Variants in L3MBTL4 observed in about 807,000 individuals in gnomAD.
L3MBTL4 encodes the protein lethal(3)malignant brain tumor-like protein 4.
L3MBTL4 carries 70 observed loss-of-function variants against 84.5 expected under a neutral mutation model. The observed-to-expected ratio is 0.83, with a 90% confidence interval of 0.68 to 1.01. The LOEUF is 1.01. Ranked by LOEUF, L3MBTL4 falls within the 50% of genes least tolerant of loss-of-function variation. The probability of loss-of-function intolerance (pLI) is 0.00; values close to 1 mark genes in which losing one functional copy is unlikely to be tolerated. For synonymous variants in L3MBTL4, 274 were observed against 259.8 expected (o/e 1.05, Z -0.52); for missense variants, 715 against 754.8 (o/e 0.95, Z 0.62).
rs372788078 is a variant in L3MBTL4, at chr18:6,239,758, G to T, written c.667C>A (p.Leu223Ile). The change falls in exon 9 of 19, where the codon CTA becomes ATA. Residue 223 changes from leucine to isoleucine, a missense_variant. Transcript: ENST00000317931. ...TCATCCCAGTTGTCAAAATGCACTA[G>T]TAAGCGATCTTCAACAATATCTGCT... is the stretch of plus-strand genomic sequence containing the variant. Reference protein sequence around the residue: ...TIADIVEDRLLVHFDNWDDSY... With the variant: ...TIADIVEDRLIVHFDNWDDSY... 1 of 1,613,898 alleles carries T rather than the reference G, an allele frequency of 6.2e-7. No homozygotes were observed. The highest frequency in any genetic ancestry group is 1.3e-5 in the African/African-American group (1 of 74,906).
At chr18:6,388,417 A>T (rs186127885) in intron 1 of L3MBTL4, among the ~76,000 whole-genome samples, 8 of 152,210 alleles carry the variant, frequency 5.3e-5, no homozygotes, top group African/African-American at 1.9e-4. Context: ...CAATATAGAA[A>T]TTTCAGAATA....
chr18:6,303,707 G>A (rs1055891525), intron 3 of L3MBTL4, among the ~76,000 whole-genome samples: 4 of 152,206 alleles, frequency 2.6e-5, no homozygotes, highest in African/African-American at 7.2e-5. Context: ...GGCAAATGAG[G>A]AGGCTTGGTC....
At chr18:6,108,958 G>A (rs562767792) in intron 14 of L3MBTL4, among the ~76,000 whole-genome samples, 16 of 152,280 alleles carry the variant, frequency 1.1e-4, no homozygotes, top group Middle Eastern at 3.4e-3. Flanking sequence ...ATAAGGGACT[G>A]AGCATCTTCA....
chr18:5,966,907 T>C (rs941376676), intron 17 of L3MBTL4, among the ~76,000 whole-genome samples: 3 of 152,200 alleles, frequency 2.0e-5, no homozygotes, highest in Non-Finnish European at 4.4e-5. Flanking sequence ...ATGTCTGATC[T>C]ACCTCCCTGT....
chr18:6,326,941 T>C (rs1800086509), intron 1 of L3MBTL4, among the ~76,000 whole-genome samples: 1 of 152,216 alleles, frequency 6.6e-6, no homozygotes, highest in Non-Finnish European at 1.5e-5. Flanking sequence ...ACTACATACA[T>C]GATCTTTCAG....
intron 4 of L3MBTL4, among the ~76,000 whole-genome samples, chr18:6,298,750 T>A (rs954479377): frequency 6.6e-6 from 1 of 152,086 alleles, no homozygotes; most frequent in Non-Finnish European, 1.5e-5. Context: ...GGCAGGCACC[T>A]GTAATCCCAG....
At chr18:6,411,549 G>A (rs1331786258) in intron 1 of L3MBTL4, among the ~76,000 whole-genome samples, 1 of 152,106 alleles carries the variant, frequency 6.6e-6, no homozygotes. Context: ...TAACCACGCT[G>A]TTCCCTCCCT....
At chr18:6,112,754 A>G (rs1224620039) in intron 14 of L3MBTL4, among the ~76,000 whole-genome samples, 1 of 152,194 alleles carries the variant, frequency 6.6e-6, no homozygotes, top group African/African-American at 2.4e-5. Flanking sequence ...TTTAAAGAAT[A>G]TAGTGTTTAG....
intron 17 of L3MBTL4, among the ~76,000 whole-genome samples, chr18:5,964,922 A>G (rs1043979330): frequency 2.6e-5 from 4 of 152,198 alleles, no homozygotes; most frequent in Non-Finnish European, 5.9e-5. Flanking sequence ...CTTCTGTGCA[A>G]GATGCTTTGC....
intron 13 of L3MBTL4, among the ~76,000 whole-genome samples, chr18:6,149,373 T>G (rs558915314): frequency 2.6e-4 from 39 of 152,078 alleles, no homozygotes; most frequent in Non-Finnish European, 4.9e-4. Flanking sequence ...ACAAAGGACA[T>G]GAACTCATCA....
intron 1 of L3MBTL4, among the ~76,000 whole-genome samples, chr18:6,328,457 A>T (rs2051843309): frequency 1.3e-5 from 2 of 152,176 alleles, no homozygotes; most frequent in African/African-American, 2.4e-5. Flanking sequence ...GAATGTTCCT[A>T]ATATCACACC....
chr18:6,030,931 A>C (rs1028708104), intron 16 of L3MBTL4: 7 of 985,132 alleles, frequency 7.1e-6, no homozygotes, highest in Non-Finnish European at 8.4e-6. Flanking sequence ...AAATACAATA[A>C]GTTTATTGTT....
intron 16 of L3MBTL4, among the ~76,000 whole-genome samples, chr18:6,012,830 A>G (rs2054798218): frequency 6.6e-6 from 1 of 152,140 alleles, no homozygotes. Context: ...GAACACGTGC[A>G]GTTTCTTGTG....
At chr18:6,204,066 T>C (rs1160543606) in intron 12 of L3MBTL4, among the ~76,000 whole-genome samples, 1 of 152,196 alleles carries the variant, frequency 6.6e-6, no homozygotes, top group Non-Finnish European at 1.5e-5. Context: ...GCCCCAGCTT[T>C]GGTTCAGCTT....
chr18:6,214,148 T>G (rs1277757360), intron 11 of L3MBTL4, among the ~76,000 whole-genome samples: 1 of 152,190 alleles, frequency 6.6e-6, no homozygotes, highest in Non-Finnish European at 1.5e-5. Flanking sequence ...CTTTTGTCAT[T>G]TCATCTGTAA....
intron 16 of L3MBTL4, among the ~76,000 whole-genome samples, chr18:6,064,050 G>A (rs2057322774): frequency 6.6e-6 from 1 of 152,060 alleles, no homozygotes; most frequent in Admixed American, 6.6e-5. Context: ...GAAAGATGGG[G>A]ATCCAGTTTC....
chr18:5,980,952 G>A (rs2144993110), intron 16 of L3MBTL4, among the ~76,000 whole-genome samples: 1 of 152,340 alleles, frequency 6.6e-6, no homozygotes, highest in East Asian at 1.9e-4. Context: ...TGAGGCGGAG[G>A]ATGGCAATTG....
chr18:6,072,302 C>G (rs1299491042), intron 16 of L3MBTL4, among the ~76,000 whole-genome samples: 2 of 152,094 alleles, frequency 1.3e-5, no homozygotes. Flanking sequence ...TTAACAATTG[C>G]TCAGAGTATA....
intron 1 of L3MBTL4, among the ~76,000 whole-genome samples, chr18:6,332,164 T>C (rs1023887017): frequency 6.6e-6 from 1 of 152,134 alleles, no homozygotes; most frequent in African/African-American, 2.4e-5. Context: ...TGACATAATT[T>C]GAAAGCAGGG....
Sources: gnomAD v4.1 joint callset for allele counts (sites outside exome capture counted in the v4.1 genomes callset) on GRCh38, gnomAD v4.1.1 for gene constraint, MANE v1.5 for transcripts, NCBI Gene and HGNC (gene_info 2026-07-23, HGNC 2026-07-21) for gene names.